Variants in MLLT10 observed in about 807,000 individuals in gnomAD.
MLLT10 encodes the protein MLLT10 histone lysine methyltransferase DOT1L cofactor, also known as protein AF-10.
In MLLT10, 30 loss-of-function variants were observed where a neutral mutation model predicts 129.1. The ratio of observed to expected loss-of-function variants is 0.23; its 90% CI spans 0.17 to 0.32. The LOEUF (loss-of-function observed/expected upper bound fraction) is 0.32. MLLT10 is among the 10% of genes least tolerant of loss of function. The pLI, the probability that MLLT10 is intolerant of heterozygous loss-of-function variation, is 1.00. For missense variants in MLLT10, 1,119 were observed against 1,268.3 expected, an observed-to-expected ratio of 0.88 and a Z score of 1.79; for synonymous variants, 490 against 446.4, an observed-to-expected ratio of 1.10 and a Z score of -1.23.
rs2047408717 is a variant in MLLT10 at position 21,635,862 on chromosome 10, G to A, written c.700-15811G>A. Among the ~76,000 whole-genome samples the A allele has an allele frequency of 2.0e-5, 3 of 150,722 alleles. No homozygotes were observed. In the South Asian group the frequency reaches 6.3e-4, roughly 32 times the overall value. On this transcript the variant is annotated intron_variant, in intron 8 of 22. Transcript: ENST00000307729. ...CAGCCTCAGCCTCCCGAGTAGCTGGGTGATCTGCCTGCCTTGGCTCCCCAA... is the reference window on the plus strand; with the variant it reads ...CAGCCTCAGCCTCCCGAGTAGCTGGATGATCTGCCTGCCTTGGCTCCCCAA...
At chr10:21,628,193 G>A (rs146512036) in intron 8 of MLLT10, among the ~76,000 whole-genome samples, 3 of 152,200 alleles carry the variant, frequency 2.0e-5, no homozygotes, top group Non-Finnish European at 4.4e-5. Flanking sequence ...TTATTGTATG[G>A]GAACATCCGT....
intron 9 of MLLT10, 94 bp from the exon 10 acceptor site, chr10:21,670,355 C>T (rs2051265101): frequency 8.2e-7 from 1 of 1,212,716 alleles, no homozygotes; most frequent in Non-Finnish European, 1.1e-6. Context: ...TGTGTTTATT[C>T]TGCAAGTTCT....
chr10:21,584,611 GC>G, intron 3 of MLLT10, among the ~76,000 whole-genome samples: 1 of 152,082 alleles, frequency 6.6e-6, no homozygotes, highest in African/African-American at 2.4e-5. Context: ...ACTGCACCCG[GC>G]CTCATTAGGC....
chr10:21,535,499 TAGGTGGCTGAAG>T (rs1281079855), intron 2 of MLLT10, among the ~76,000 whole-genome samples: 1 of 152,090 alleles, frequency 6.6e-6, no homozygotes, highest in Non-Finnish European at 1.5e-5. Flanking sequence ...ACCACCAGCC[TAGGTGGCTGAAG>T]AGGTGGCGGT....
intron 14 of MLLT10, among the ~76,000 whole-genome samples, chr10:21,719,894 G>T (rs2057007676): frequency 6.6e-6 from 1 of 152,138 alleles, no homozygotes; most frequent in Non-Finnish European, 1.5e-5. Flanking sequence ...AACAATTTCT[G>T]TTAAAACTCA....
chr10:21,628,319 C>T (rs1400479035), intron 8 of MLLT10, among the ~76,000 whole-genome samples: 2 of 152,072 alleles, frequency 1.3e-5, no homozygotes, highest in African/African-American at 4.8e-5. Context: ...TTTATAGTCT[C>T]ACAGCTTCAG....
rs1564711914 is a variant in MLLT10 at position 21,717,809 on chromosome 10, T to TCC, written c.1878+3859_1878+3860insCC. 1.1e-3 allele frequency among the ~76,000 whole-genome samples: 163 copies of TCC among 143,430 alleles called. 5 individuals are homozygous for TCC. The highest frequency in any genetic ancestry group is 2.9e-3 in the African/African-American group (112 of 38,178). The allele number at this position is 143,430 out of a possible 152,430, so 94.1% of individuals were successfully genotyped here. A position where few individuals can be genotyped will look rare whatever the true frequency, so the allele number is the denominator to read the frequency against. ...CTTCTTCTTCTTCTTCTCCTTCTTC[T>TCC]TCTCCTTCTTCTCCTCCTTCTCCTC... On this transcript the variant is annotated intron_variant, in intron 14 of 22. Coordinates refer to ENST00000307729, the MANE Select transcript of MLLT10 (RefSeq NM_001195626.3).
intron 21 of MLLT10, among the ~76,000 whole-genome samples, chr10:21,739,361 C>T (rs1457057091): frequency 6.6e-6 from 1 of 152,150 alleles, no homozygotes; most frequent in Non-Finnish European, 1.5e-5. Flanking sequence ...TCCCTCTTCT[C>T]CTCCAAATCT....
chr10:21,727,669 G>A (rs184789345), intron 15 of MLLT10, among the ~76,000 whole-genome samples, 187 bp from the exon 16 acceptor site: 1 of 152,290 alleles, frequency 6.6e-6, no homozygotes, highest in Non-Finnish European at 1.5e-5. Context: ...AACGTGTAGG[G>A]ACAACGCCTT....
intron 6 of MLLT10, 22 bp from the exon 7 acceptor site, chr10:21,614,809 T>C (rs1244158738): frequency 1.3e-6 from 2 of 1,596,830 alleles, no homozygotes; most frequent in Non-Finnish European, 1.7e-6. Context: ...TATCAATAAA[T>C]ATACTTGGCT....
At chr10:21,622,268 C>G (rs2045953100) in intron 8 of MLLT10, among the ~76,000 whole-genome samples, 1 of 150,514 alleles carries the variant, frequency 6.6e-6, no homozygotes, top group African/African-American at 2.4e-5. Flanking sequence ...AGGGATCCTC[C>G]TCCCTCAGCC....
At chr10:21,654,693 T>C (rs1293193546) in intron 9 of MLLT10, among the ~76,000 whole-genome samples, 1 of 152,242 alleles carries the variant, frequency 6.6e-6, no homozygotes, top group Admixed American at 6.5e-5. Flanking sequence ...TCCATCTCTA[T>C]GGACGTGGGC....
Position 21,534,701 on chromosome 10 carries a change from G to A in MLLT10, c.57G>A (p.Lys19=). 6.2e-7 allele frequency: 1 copy of A among 1,613,454 alleles called. No homozygotes were observed. Among genetic ancestry groups the A allele is most frequent in the Non-Finnish European group, 8.5e-7 (1 of 1,179,554 alleles). ...SLEDEVSHSM[K]EMIGGCCVCS... ...AGGACGAGGTCTCCCATAGTATGAAGGAGATGATTGGAGGCTGTTGCGTTT... is the reference window on the plus strand; with the variant it reads ...AGGACGAGGTCTCCCATAGTATGAAAGAGATGATTGGAGGCTGTTGCGTTT... The change falls in exon 2 of 23, where the codon AAG becomes AAA. Residue 19 remains lysine (K), a synonymous_variant. Coordinates refer to ENST00000307729, the MANE Select transcript of MLLT10 (RefSeq NM_001195626.3).
intron 3 of MLLT10, among the ~76,000 whole-genome samples, chr10:21,555,438 G>A (rs928678463): frequency 2.6e-5 from 4 of 151,482 alleles, no homozygotes; most frequent in Non-Finnish European, 5.9e-5. Context: ...GGCCATGCTG[G>A]TCTCAGACTC....
chr10:21,555,818 C>A (rs2037854057), intron 3 of MLLT10, among the ~76,000 whole-genome samples: 1 of 151,122 alleles, frequency 6.6e-6, no homozygotes, highest in Non-Finnish European at 1.5e-5. Flanking sequence ...TAGGCATGCA[C>A]CACGATGCCC....
intron 5 of MLLT10, among the ~76,000 whole-genome samples, chr10:21,600,056 CTA>C (rs1331904752): frequency 6.6e-6 from 1 of 152,292 alleles, no homozygotes; most frequent in African/African-American, 2.4e-5. Flanking sequence ...GCTGAATAAT[CTA>C]TGTTTTCCAT....
At chr10:21,542,972 T>C (rs997986452) in intron 3 of MLLT10, among the ~76,000 whole-genome samples, 1 of 152,076 alleles carries the variant, frequency 6.6e-6, no homozygotes, top group South Asian at 2.1e-4. Context: ...TTTTGTTTTT[T>C]TTTTGAGACG....
chr10:21,669,504 C>G (rs2051169709), intron 9 of MLLT10, among the ~76,000 whole-genome samples: 1 of 151,916 alleles, frequency 6.6e-6, no homozygotes, highest in Non-Finnish European at 1.5e-5. Flanking sequence ...TAGATAGATA[C>G]AATAAAAAAG....
intron 11 of MLLT10, among the ~76,000 whole-genome samples, chr10:21,677,425 G>A (rs1270733846): frequency 6.6e-6 from 1 of 152,150 alleles, no homozygotes; most frequent in Non-Finnish European, 1.5e-5. Context: ...AGGACCTCCT[G>A]CAAATAAATA....
Sources: gnomAD v4.1 joint callset for allele counts (sites outside exome capture counted in the v4.1 genomes callset) on GRCh38, gnomAD v4.1.1 for gene constraint, MANE v1.5 for transcripts, NCBI Gene and HGNC (gene_info 2026-07-23, HGNC 2026-07-21) for gene names.